The following USP48 variants were observed in gnomAD, a reference collection of about 807,000 sequenced individuals.
USP48 encodes the protein ubiquitin specific peptidase 48, also known as ubiquitin carboxyl-terminal hydrolase 48.
Under a neutral mutation model 150.7 loss-of-function variants are expected in USP48, and 43 were observed. The observed-to-expected ratio is 0.29, with a 90% CI of 0.22 to 0.37. The LOEUF is 0.37. USP48 is among the 10% of genes least tolerant of loss of function. The pLI is 1.00. For synonymous variants in USP48, 396 were observed against 425.9 expected (o/e 0.93, Z 0.86); for missense variants, 813 against 1,249.6 (o/e 0.65, Z 5.27).
chr1:21,735,219 C>T (rs553058561), intron 9 of USP48, among the ~76,000 whole-genome samples: 2 of 152,296 alleles, frequency 1.3e-5, no homozygotes, highest in Admixed American at 1.3e-4. Flanking sequence ...TGATCATTTG[C>T]CTTCAAGCTT....
Position 21,700,149 on chromosome 1 carries a change from A to G in USP48, c.2727+1349T>C, listed in dbSNP as rs536407744. Among the ~76,000 whole-genome samples the G allele has an allele frequency of 2.0e-5, 3 of 151,960 alleles. No homozygotes were observed. The South Asian group carries it at 6.3e-4, about 32-fold the overall frequency. On this transcript the variant is annotated intron_variant, in intron 22 of 26. Coordinates refer to ENST00000308271, the MANE Select transcript of USP48 (RefSeq NM_032236.8). ...AATAAGGGCATCACTTACTATAGAA[A>G]AATATCCCCTTTAAACTGAAAACCT...
In USP48 at chr1:21,751,627, C is replaced by T. The variant is rs2097814122; in HGVS notation, c.666-12G>A. ...CACACTGGTTGCAACTATAATAAAA[C>T]AGAACGACAAAATTCAGATCAGAGT... On this transcript the variant is annotated splice_polypyrimidine_tract_variant and intron_variant, in intron 5 of 26. Coordinates refer to ENST00000308271, the MANE Select transcript of USP48 (RefSeq NM_032236.8). The T allele has an allele frequency of 1.9e-6, 3 of 1,601,052 alleles. No homozygotes were observed. Among genetic ancestry groups the T allele is most frequent in the Non-Finnish European group, 1.7e-6 (2 of 1,168,534 alleles).
intron 9 of USP48, among the ~76,000 whole-genome samples, chr1:21,732,270 CT>C (rs1207809007): frequency 2.7e-5 from 1 of 37,068 alleles, no homozygotes; most frequent in African/African-American, 4.3e-5. Context: ...CACAGTGAGA[CT>C]CTGTCTCAAA....
At chr1:21,758,755 AAATG>A (rs71569846) in intron 1 of USP48, among the ~76,000 whole-genome samples, 26,483 of 149,820 alleles carry the variant, frequency 0.18, 2,941 homozygotes, top group African/African-American at 0.3. Context: ...GTCTTGGAAA[AAATG>A]AATGAATGAA....
chr1:21,746,380 G>A (rs1045527524), intron 8 of USP48, among the ~76,000 whole-genome samples: 1 of 152,034 alleles, frequency 6.6e-6, no homozygotes, highest in African/African-American at 2.4e-5. Context: ...TACAAGGGAG[G>A]CTGAGGTTGC....
intron 24 of USP48, 88 bp from the exon 25 acceptor site, chr1:21,687,327 G>T: frequency 1.6e-6 from 2 of 1,233,264 alleles, no homozygotes; most frequent in Non-Finnish European, 2.3e-6. Flanking sequence ...TACTGATATT[G>T]CTATAAGACA....
chr1:21,736,338 C>T, intron 9 of USP48, 108 bp downstream of exon 9: 2 of 1,137,502 alleles, frequency 1.8e-6, no homozygotes, highest in Non-Finnish European at 2.4e-6. Flanking sequence ...TGCAAATATC[C>T]TTGATAGTCT....
rs2097855039 is a variant in USP48 at position 21,763,586 on chromosome 1, G to C, written c.135-5803C>G. 2.0e-5 allele frequency among the ~76,000 whole-genome samples: 3 copies of C among 152,324 alleles called. No individual in the cohort carries two copies. In the South Asian group the frequency reaches 6.2e-4, roughly 32 times the overall value. On this transcript the variant is annotated intron_variant, in intron 1 of 26. Coordinates refer to ENST00000308271, the MANE Select transcript of USP48 (RefSeq NM_032236.8). Reference sequence around the variant, plus strand: ...CCCAACACTTTGAGAGGCCAAGGCGGGCAGATCACCTGAGGTCGGGAGTTC... The same window carrying C: ...CCCAACACTTTGAGAGGCCAAGGCGCGCAGATCACCTGAGGTCGGGAGTTC...
intron 8 of USP48, among the ~76,000 whole-genome samples, chr1:21,744,626 A>C (rs1390933771): frequency 6.7e-6 from 1 of 149,800 alleles, no homozygotes; most frequent in African/African-American, 2.5e-5. Flanking sequence ...AAATACAAAA[A>C]ATTAGCCAGG....
intron 12 of USP48, among the ~76,000 whole-genome samples, chr1:21,723,570 G>A (rs1199155646): frequency 6.7e-6 from 1 of 149,626 alleles, no homozygotes; most frequent in African/African-American, 2.5e-5. Flanking sequence ...CAATTAACCA[G>A]ACAAGGGCTC....
chr1:21,737,330 T>A (rs147980102), intron 8 of USP48, among the ~76,000 whole-genome samples: 1 of 152,208 alleles, frequency 6.6e-6, no homozygotes, highest in South Asian at 2.1e-4. Flanking sequence ...GGCCAAACAG[T>A]TGGAAAATAT....
At chr1:21,718,342 C>T (rs2097710408) in intron 14 of USP48, among the ~76,000 whole-genome samples, 1 of 152,200 alleles carries the variant, frequency 6.6e-6, no homozygotes, top group African/African-American at 2.4e-5. Context: ...CCACTATTTA[C>T]AGTGATTGTA....
chr1:21,730,215 C>A (rs2152556464), intron 9 of USP48, among the ~76,000 whole-genome samples: 1 of 152,180 alleles, frequency 6.6e-6, no homozygotes, highest in South Asian at 2.1e-4. Context: ...CCAAGATGGG[C>A]AGATCACTTG....
Position 21,782,865 on chromosome 1 carries a change from A to G in USP48, c.93T>C (p.Ala31=). The change falls in exon 1 of 27, where the codon GCT becomes GCC. Residue 31 remains alanine (A), a synonymous_variant. Coordinates refer to ENST00000308271, the MANE Select transcript of USP48 (RefSeq NM_032236.8). ...EEVSQEHIET[A]YRIWLEPCIR... ...TGCAGGGCTCCAGCCAGATGCGGTA[A>G]GCGGTCTCGATGTGCTCCTGCGACA... The G allele has an allele frequency of 6.4e-7, 1 of 1,560,556 alleles. No individual in the cohort carries two copies. The highest frequency in any genetic ancestry group is 1.4e-5 in the African/African-American group (1 of 72,974).
At chr1:21,720,961 A>C in intron 14 of USP48, 75 bp downstream of exon 14, 212 of 1,566,956 alleles carry the variant, frequency 1.4e-4, no homozygotes, top group Non-Finnish European at 1.7e-4. Context: ...TACACGAATG[A>C]GCCACCGTGC....
At chr1:21,730,880 C>T (rs1385315110) in intron 9 of USP48, among the ~76,000 whole-genome samples, 1 of 151,606 alleles carries the variant, frequency 6.6e-6, no homozygotes, top group East Asian at 2.0e-4. Context: ...CATGCCTCAG[C>T]CTCTCAAGTA....
At chr1:21,731,991 G>A (rs895749808) in intron 9 of USP48, among the ~76,000 whole-genome samples, 2 of 152,132 alleles carry the variant, frequency 1.3e-5, no homozygotes, top group Admixed American at 6.6e-5. Flanking sequence ...ACATGAAAAC[G>A]ATTTTCAAAT....
chr1:21,756,117 A>G (rs2097833380), intron 3 of USP48, among the ~76,000 whole-genome samples: 1 of 151,620 alleles, frequency 6.6e-6, no homozygotes, highest in South Asian at 2.1e-4. Flanking sequence ...GTGAACCGAG[A>G]TTGTGCCATT....
chr1:21,712,323 C>A (rs902621216), intron 15 of USP48, among the ~76,000 whole-genome samples: 2 of 152,094 alleles, frequency 1.3e-5, no homozygotes, highest in African/African-American at 4.8e-5. Context: ...TGCACCATTG[C>A]GCTCCAGCCT....
Sources: gnomAD v4.1 joint callset for allele counts (sites outside exome capture counted in the v4.1 genomes callset) on GRCh38, gnomAD v4.1.1 for gene constraint, MANE v1.5 for transcripts, NCBI Gene and HGNC (gene_info 2026-07-23, HGNC 2026-07-21) for gene names.